MMP26: variants seen among roughly 807,000 people sequenced by gnomAD.
The protein encoded by MMP26 is matrix metalloproteinase-26.
MMP26 carries 33 observed loss-of-function variants against 31.0 expected under a neutral mutation model. The observed-to-expected ratio is 1.06, with a 90% CI of 0.81 to 1.42. MMP26 has a LOEUF of 1.42. MMP26 is among the 40% of genes most tolerant of loss of function. The pLI, the probability that MMP26 is intolerant of heterozygous loss-of-function variation, is 0.00. For missense variants in MMP26, 347 were observed against 316.1 expected (o/e 1.10, Z -0.74); for synonymous variants, 122 against 114.9 (o/e 1.06, Z -0.40).
At chr11:4,901,473 C>T (rs1850801551) in intron 2 of MMP26, among the ~76,000 whole-genome samples, 1 of 151,932 alleles carries the variant, frequency 6.6e-6, no homozygotes, top group African/African-American at 2.4e-5. Context: ...TCTTTGTGCT[C>T]TTTCAGTTGT....
chr11:4,920,672 G>A (rs1252753360), intron 2 of MMP26, among the ~76,000 whole-genome samples: 1 of 152,150 alleles, frequency 6.6e-6, no homozygotes, highest in African/African-American at 2.4e-5. Flanking sequence ...AGTGTTGTGT[G>A]CAGTTCTGTC....
chr11:4,907,078 A>G (rs1055170236), intron 2 of MMP26, among the ~76,000 whole-genome samples: 11 of 111,344 alleles, frequency 9.9e-5, no homozygotes, highest in Admixed American at 1.9e-4. Context: ...CCTGGGCAAC[A>G]AGAGCAAAAC....
intron 5 of MMP26, among the ~76,000 whole-genome samples, 164 bp downstream of exon 5, chr11:4,990,910 A>G (rs552554242): frequency 1.3e-5 from 2 of 152,360 alleles, no homozygotes; most frequent in Non-Finnish European, 2.9e-5. Flanking sequence ...AGACATTTTT[A>G]GTAAAATGAA....
chr11:4,841,665 G>T (rs1420536467), intron 2 of MMP26, among the ~76,000 whole-genome samples: 1 of 152,204 alleles, frequency 6.6e-6, no homozygotes, highest in African/African-American at 2.4e-5. Flanking sequence ...GAGCATGGCG[G>T]CTCACATCTG....
chr11:4,848,702 G>A, intron 2 of MMP26: 1 of 1,614,088 alleles, frequency 6.2e-7, no homozygotes, highest in Non-Finnish European at 8.5e-7. Context: ...AGGCCAGCAG[G>A]AATGGCAGGG....
chr11:4,953,424 C>T lies in MMP26; in HGVS notation c.-144-34644C>T, dbSNP rs1381416167. Among the ~76,000 whole-genome samples, 22 of 123,134 alleles carry T rather than the reference C, an allele frequency of 1.8e-4. 6 individuals are homozygous for T. The highest frequency in any genetic ancestry group is 3.5e-4 in the Non-Finnish European group (19 of 54,598). The allele number at this position is 123,134 out of a possible 152,430, so 80.8% of individuals were successfully genotyped here. The stretch of plus-strand genomic sequence containing the variant: ...GAAGTAGAAAGAAATGAAATAAGCA[C>T]AAAAGTTATCTATAATTGCAAATAT... On this transcript the variant is annotated intron_variant, in intron 2 of 7. Transcript: ENST00000380390.
intron 2 of MMP26, among the ~76,000 whole-genome samples, chr11:4,767,900 A>G (rs1848652769): frequency 6.6e-6 from 1 of 152,102 alleles, no homozygotes; most frequent in Non-Finnish European, 1.5e-5. Flanking sequence ...TGCAATTGAC[A>G]TTTTTAAGCT....
At chr11:4,986,928 T>TCTCC (rs1318465108) in intron 2 of MMP26, among the ~76,000 whole-genome samples, 2 of 102,516 alleles carry the variant, frequency 2.0e-5, no homozygotes, top group African/African-American at 8.1e-5. Flanking sequence ...TCTCTCTCTC[T>TCTCC]CTCCCTCTCT....
intron 2 of MMP26, chr11:4,833,175 T>A (rs1849669815): frequency 6.6e-6 from 1 of 152,224 alleles, no homozygotes; most frequent in African/African-American, 2.4e-5. Context: ...TCAAAGTTTT[T>A]AAATTAGCAT....
intron 1 of MMP26, chr11:4,710,132 G>A (rs1847840171): frequency 2.2e-6 from 1 of 456,784 alleles, no homozygotes; most frequent in African/African-American, 2.0e-5. Flanking sequence ...ATGCGATGAA[G>A]CTCTCATGCA....
intron 1 of MMP26, among the ~76,000 whole-genome samples, chr11:4,764,899 C>A (rs540696077): frequency 9.2e-5 from 14 of 151,932 alleles, no homozygotes; most frequent in Non-Finnish European, 1.9e-4. Context: ...CACACACACA[C>A]AAAGAATACT....
At chr11:4,709,279 C>G (rs1338671088) in intron 1 of MMP26, among the ~76,000 whole-genome samples, 1 of 152,072 alleles carries the variant, frequency 6.6e-6, no homozygotes, top group East Asian at 1.9e-4. Context: ...AACTAATCTC[C>G]TGTTTTATAT....
At chr11:4,794,911 C>T (rs1471929052) in intron 2 of MMP26, 1 of 152,222 alleles carries the variant, frequency 6.6e-6, no homozygotes, top group African/African-American at 2.4e-5. Context: ...ACGGTCAACA[C>T]CCTGCAAAAT....
intron 2 of MMP26, among the ~76,000 whole-genome samples, chr11:4,921,941 C>G (rs777131604): frequency 5.9e-5 from 9 of 152,214 alleles, no homozygotes; most frequent in Admixed American, 1.3e-4. Flanking sequence ...TTACTGTAAC[C>G]ATCACCTGAG....
intron 2 of MMP26, among the ~76,000 whole-genome samples, chr11:4,878,984 C>T (rs1850422122): frequency 6.6e-6 from 1 of 152,008 alleles, no homozygotes; most frequent in Admixed American, 6.6e-5. Flanking sequence ...ACCTGTAATC[C>T]CAGCATTTTG....
At chr11:4,826,922 T>A (rs1236048300) in intron 2 of MMP26, among the ~76,000 whole-genome samples, 1 of 152,130 alleles carries the variant, frequency 6.6e-6, no homozygotes, top group Admixed American at 6.5e-5. Context: ...ATCCATTGGA[T>A]CCTTTTTCCC....
At chr11:4,908,021 G>A (rs771515357) in intron 2 of MMP26, 15 of 1,614,028 alleles carry the variant, frequency 9.3e-6, no homozygotes, top group African/African-American at 5.3e-5. Flanking sequence ...TTTGTCTTAT[G>A]TGCTGATCTT....
intron 1 of MMP26, among the ~76,000 whole-genome samples, chr11:4,732,772 C>T (rs1302573781): frequency 6.6e-6 from 1 of 152,212 alleles, no homozygotes; most frequent in African/African-American, 2.4e-5. Flanking sequence ...AAGGTTTATA[C>T]ATTGTGTGGC....
chr11:4,707,943 C>A lies in MMP26; in HGVS notation c.-217+2898C>A, dbSNP rs577815236. Among the ~76,000 whole-genome samples, 176 of 152,264 alleles carry A rather than the reference C, an allele frequency of 1.2e-3. 2 individuals carry two copies. Among genetic ancestry groups the A allele is most frequent in the African/African-American group, 4.1e-3 (169 of 41,536 alleles). On this transcript the variant is annotated intron_variant, in intron 1 of 7. Transcript: ENST00000380390. ...GTCTCCTCAGTTTCATTAGAGGACG[C>A]TTCTTCTGGTCTTTTCTTTAAATAC... is the stretch of plus-strand genomic sequence containing the variant.
Sources: allele counts gnomAD v4.1 joint callset (sites outside exome capture counted in the v4.1 genomes callset), GRCh38; gene constraint gnomAD v4.1.1; transcripts MANE v1.5; gene names NCBI Gene and HGNC (gene_info 2026-07-23, HGNC 2026-07-21).